Variants in MYO10 observed in about 807,000 individuals in gnomAD.
MYO10 encodes unconventional myosin-X.
In MYO10, 133 loss-of-function variants were observed where a neutral mutation model predicts 257.3. The observed-to-expected ratio is 0.52, with a 90% CI of 0.45 to 0.60. The LOEUF (loss-of-function observed/expected upper bound fraction) is 0.60. Among genes scored for constraint, MYO10 ranks in the 20% least tolerant of loss-of-function variants. The pLI is 0.00. For synonymous variants in MYO10, 1,104 were observed against 1,028.6 expected, an observed-to-expected ratio of 1.07 and a Z score of -1.40; for missense variants, 2,399 against 2,635.7, an observed-to-expected ratio of 0.91 and a Z score of 1.97.
At chr5:16,887,856 G>C (rs1744936551) in intron 1 of MYO10, among the ~76,000 whole-genome samples, 1 of 152,058 alleles carries the variant, frequency 6.6e-6, no homozygotes, top group Non-Finnish European at 1.5e-5. Context: ...CACCTTTTCA[G>C]TTAATCTTTT....
At chr5:16,769,905 C>T (rs1740993948) in intron 9 of MYO10, among the ~76,000 whole-genome samples, 1 of 151,778 alleles carries the variant, frequency 6.6e-6, no homozygotes, top group Non-Finnish European at 1.5e-5. Context: ...AGAGGGAGTA[C>T]TTGGAGAGGG....
chr5:16,755,678 TAC>T (rs1740507899), intron 18 of MYO10, among the ~76,000 whole-genome samples: 1 of 151,840 alleles, frequency 6.6e-6, no homozygotes, highest in East Asian at 1.9e-4. Context: ...TCGCCAGACT[TAC>T]AGACTCCAGA....
At chr5:16,700,791 T>G (rs539678907) in intron 25 of MYO10, among the ~76,000 whole-genome samples, 172 bp downstream of exon 25, 1 of 152,368 alleles carries the variant, frequency 6.6e-6, no homozygotes, top group South Asian at 2.1e-4. Flanking sequence ...GTTCTACTTA[T>G]GAATGCAATT....
chr5:16,905,126 G>A (rs148447173), intron 1 of MYO10, among the ~76,000 whole-genome samples: 387 of 152,202 alleles, frequency 2.5e-3, no homozygotes, highest in Non-Finnish European at 4.0e-3. Context: ...AGCAAATCTC[G>A]CTTGATGCGG....
At chr5:16,823,975 T>C (rs772471634) in intron 2 of MYO10, among the ~76,000 whole-genome samples, 20 of 152,180 alleles carry the variant, frequency 1.3e-4, no homozygotes, top group South Asian at 4.1e-4. Flanking sequence ...TTGGATAAAA[T>C]GATACCTGAG....
At chr5:16,679,800 C>T in intron 33 of MYO10, 147 bp downstream of exon 33, 4 of 1,085,950 alleles carry the variant, frequency 3.7e-6, no homozygotes, top group Non-Finnish European at 5.1e-6. Flanking sequence ...GCTGGAATTA[C>T]AGGCGTGAGC....
chr5:16,700,133 G>C (rs761333130), intron 25 of MYO10, among the ~76,000 whole-genome samples: 1 of 152,094 alleles, frequency 6.6e-6, no homozygotes, highest in Non-Finnish European at 1.5e-5. Flanking sequence ...GATAAATCCA[G>C]AAACTGGAAA....
In MYO10 at chr5:16,743,459, A is replaced by G. The variant is rs1740081971; in HGVS notation, c.1929+11369T>C. Among the ~76,000 whole-genome samples, 4 of 152,148 alleles carry G rather than the reference A, an allele frequency of 2.6e-5. 1 individual carries two copies. In the South Asian group the frequency reaches 6.2e-4, roughly 24 times the overall value. ...GGAGCTTGAGACCACCCTGGCCAAC[A>G]TGATGAAATCCCATCTCTATTAAAA... is the stretch of plus-strand genomic sequence containing the variant. On this transcript the variant is annotated intron_variant, in intron 19 of 40. Coordinates refer to ENST00000513610, the MANE Select transcript of MYO10 (RefSeq NM_012334.3).
chr5:16,790,877 T>C (rs1236427102), intron 4 of MYO10, among the ~76,000 whole-genome samples: 1 of 140,912 alleles, frequency 7.1e-6, no homozygotes, highest in African/African-American at 2.6e-5. Context: ...AGATGGAAAA[T>C]TCAAGTAAGT....
chr5:16,699,784 CT>C (rs1737951374), intron 25 of MYO10: 1 of 90,328 alleles, frequency 1.1e-5, no homozygotes, highest in Non-Finnish European at 1.8e-5. Context: ...AAGCCTCAGT[CT>C]CAAAAAAAAA....
At chr5:16,754,790 C>G in intron 19 of MYO10, 38 bp downstream of exon 19, 1 of 1,484,778 alleles carries the variant, frequency 6.7e-7, no homozygotes. Context: ...CTGTGTCCCT[C>G]GAGACAGATC....
intron 19 of MYO10, among the ~76,000 whole-genome samples, chr5:16,718,875 G>A (rs1199602425): frequency 2.0e-5 from 3 of 151,928 alleles, no homozygotes; most frequent in Non-Finnish European, 2.9e-5. Context: ...TAATCTGATG[G>A]GGACGTGGAG....
At chr5:16,710,159 G>A (rs1174460356) in intron 21 of MYO10, among the ~76,000 whole-genome samples, 5 of 152,200 alleles carry the variant, frequency 3.3e-5, no homozygotes, top group Admixed American at 6.5e-5. Flanking sequence ...TTCACTCTTC[G>A]AGGACACATG....
chr5:16,837,176 G>GGT (rs1743338659), intron 2 of MYO10, among the ~76,000 whole-genome samples: 1 of 152,112 alleles, frequency 6.6e-6, no homozygotes, highest in Non-Finnish European at 1.5e-5. Context: ...AGGGCGTGGT[G>GGT]GCAGAGGCCT....
intron 9 of MYO10, among the ~76,000 whole-genome samples, chr5:16,769,805 C>A (rs892813561): frequency 1.3e-5 from 2 of 152,146 alleles, no homozygotes; most frequent in Non-Finnish European, 2.9e-5. Context: ...CAGGGAGTCA[C>A]AGTCATGACA....
chr5:16,672,533 C>T (rs1002916890), intron 37 of MYO10, among the ~76,000 whole-genome samples, 156 bp downstream of exon 37: 1 of 152,054 alleles, frequency 6.6e-6, no homozygotes, highest in Non-Finnish European at 1.5e-5. Flanking sequence ...AGAAAAATAG[C>T]GGATATGCAA....
chr5:16,693,542 T>C (rs1208134607), intron 27 of MYO10, among the ~76,000 whole-genome samples: 1 of 152,262 alleles, frequency 6.6e-6, no homozygotes, highest in African/African-American at 2.4e-5. Flanking sequence ...CAATGAATAC[T>C]TTTCTGAAGT....
At position 16,816,207 on chromosome 5, in the gene MYO10, C is replaced by A. The variant is rs190459013; in HGVS notation, c.279+1802G>T. Among the ~76,000 whole-genome samples, 371 of 151,914 alleles carry A rather than the reference C, an allele frequency of 2.4e-3. 1 individual carries two copies. Among genetic ancestry groups the A allele is most frequent in the African/African-American group, 8.6e-3 (358 of 41,472 alleles). ...TACAAAAATTAGCTGGGCGTGGTAG[C>A]ACACGCCTGTAGTCCCAGCTACTCG... is the stretch of plus-strand genomic sequence containing the variant. On this transcript the variant is annotated intron_variant, in intron 3 of 40. Coordinates refer to ENST00000513610, the MANE Select transcript of MYO10 (RefSeq NM_012334.3).
In MYO10 at chr5:16,663,728, GAC is replaced by G. The variant is rs1736058565; in HGVS notation, c.*2962_*2963del. 1 of 152,120 alleles carries G rather than the reference GAC, an allele frequency of 6.6e-6. No homozygotes were observed. The highest frequency in any genetic ancestry group is 2.4e-5 in the African/African-American group (1 of 41,502). 9.4% of individuals were successfully genotyped at this position (152,120 alleles called of 1,614,324 possible). A position where few individuals can be genotyped will look rare whatever the true frequency, so the allele number is the denominator to read the frequency against. On this transcript the variant is annotated 3_prime_UTR_variant, in exon 41 of 41. Transcript: ENST00000513610. The stretch of plus-strand genomic sequence containing the variant: ...TCAAATAAACAATGTTTAAAACACA[GAC>G]ACACACGGTATAACAGCTATTTATG...
Sources: gnomAD v4.1 joint callset for allele counts (sites outside exome capture counted in the v4.1 genomes callset) on GRCh38, gnomAD v4.1.1 for gene constraint, MANE v1.5 for transcripts, NCBI Gene and HGNC (gene_info 2026-07-23, HGNC 2026-07-21) for gene names.